Variants in DGKH observed in about 807,000 individuals in gnomAD.
The protein encoded by DGKH is DAG kinase eta.
A neutral mutation model predicts 159.3 loss-of-function variants in DGKH; 90 were observed. The observed-to-expected ratio is 0.57, with a 90% CI of 0.48 to 0.67. The LOEUF is 0.67. DGKH is among the 30% of genes least tolerant of loss of function. The probability of loss-of-function intolerance (pLI) is 0.00; values close to 1 mark genes in which losing one functional copy is unlikely to be tolerated. For synonymous variants in DGKH, 536 were observed against 553.8 expected (o/e 0.97, Z 0.45); for missense variants, 1,181 against 1,506.1 (o/e 0.78, Z 3.57).
chr13:42,053,941 C>T (rs1264772567), intron 1 of DGKH, among the ~76,000 whole-genome samples: 1 of 152,054 alleles, frequency 6.6e-6, no homozygotes, highest in Non-Finnish European at 1.5e-5. Flanking sequence ...TTTTTAAGCC[C>T]AGTAAGGATA....
chr13:42,132,290 T>C (rs920860240), intron 3 of DGKH, among the ~76,000 whole-genome samples: 1 of 152,246 alleles, frequency 6.6e-6, no homozygotes, highest in Admixed American at 6.5e-5. Context: ...ACATTCAATA[T>C]TTTCCTGTGG....
At chr13:42,100,607 T>C (rs1033488227) in intron 1 of DGKH, among the ~76,000 whole-genome samples, 3 of 152,216 alleles carry the variant, frequency 2.0e-5, no homozygotes, top group African/African-American at 7.2e-5. Context: ...ACAATTTTTT[T>C]TATTAATTGA....
At chr13:42,211,138 A>T (rs1047931575) in intron 24 of DGKH, among the ~76,000 whole-genome samples, 1 of 152,192 alleles carries the variant, frequency 6.6e-6, no homozygotes, top group Admixed American at 6.5e-5. Context: ...AGACAAAAAG[A>T]AAAGAGATAA....
chr13:42,229,338 T>C lies in DGKH; in HGVS notation c.*150T>C, dbSNP rs1958230956. The C allele has an allele frequency of 4.6e-6, 3 of 654,374 alleles. No individual in the cohort carries two copies. Among genetic ancestry groups the C allele is most frequent in the Admixed American group, 3.5e-5 (1 of 28,292 alleles). 40.5% of individuals were successfully genotyped at this position (654,374 alleles called of 1,614,324 possible). On this transcript the variant is annotated 3_prime_UTR_variant, in exon 30 of 30. Coordinates refer to ENST00000337343, the MANE Select transcript of DGKH (RefSeq NM_178009.5). ...TTGATATTTTGCTGTGGGTGAAATTTTGATTTGAGGTATTAGAAAATATTT... is the reference window on the plus strand; with the variant it reads ...TTGATATTTTGCTGTGGGTGAAATTCTGATTTGAGGTATTAGAAAATATTT...
At chr13:42,079,068 C>T (rs1394508468) in intron 1 of DGKH, among the ~76,000 whole-genome samples, 2 of 151,652 alleles carry the variant, frequency 1.3e-5, no homozygotes, top group South Asian at 2.1e-4. Flanking sequence ...CCCACCATCA[C>T]ACCCAGCTAA....
Position 42,166,680 on chromosome 13 carries a change from T to C in DGKH, c.1118+6T>C. The C allele has an allele frequency of 6.4e-7, 1 of 1,573,092 alleles. No individual in the cohort carries two copies. The highest frequency in any genetic ancestry group is 8.6e-7 in the Non-Finnish European group (1 of 1,162,490). ...AATGGAGGTCCTCATTTAGGGTAACTGATTATTGATAAATCTTATTTGAAT... is the reference window on the plus strand; with the variant it reads ...AATGGAGGTCCTCATTTAGGGTAACCGATTATTGATAAATCTTATTTGAAT... On this transcript the variant is annotated splice_donor_region_variant and intron_variant, in intron 9 of 29. Coordinates refer to ENST00000337343, the MANE Select transcript of DGKH (RefSeq NM_178009.5).
intron 1 of DGKH, among the ~76,000 whole-genome samples, chr13:42,085,759 A>G (rs1954289400): frequency 6.6e-6 from 1 of 152,228 alleles, no homozygotes; most frequent in Admixed American, 6.5e-5. Flanking sequence ...GTTTTTAAAA[A>G]AATTATTCAA....
intron 3 of DGKH, chr13:42,138,017 C>A: frequency 1.2e-6 from 1 of 868,742 alleles, no homozygotes; most frequent in Non-Finnish European, 1.4e-6. Flanking sequence ...TAGAACAGGC[C>A]CCTTGTGAGG....
intron 13 of DGKH, among the ~76,000 whole-genome samples, chr13:42,185,313 C>T (rs1366671820): frequency 2.0e-5 from 3 of 152,140 alleles, no homozygotes; most frequent in Non-Finnish European, 4.4e-5. Context: ...ACTTGTGTGG[C>T]GAGCACTCTC....
At chr13:42,140,309 G>C (rs1955511403) in intron 3 of DGKH, 1 of 152,482 alleles carries the variant, frequency 6.6e-6, no homozygotes, top group African/African-American at 2.4e-5. Context: ...CCATGTTGTA[G>C]CTCCCAGTGC....
At chr13:42,093,147 G>A (rs1157836535) in intron 1 of DGKH, among the ~76,000 whole-genome samples, 2 of 151,898 alleles carry the variant, frequency 1.3e-5, no homozygotes, top group African/African-American at 4.8e-5. Flanking sequence ...GGGAGGCTGA[G>A]GTGGGAGGAT....
intron 1 of DGKH, among the ~76,000 whole-genome samples, chr13:42,085,346 C>T (rs1459320424): frequency 6.6e-6 from 1 of 152,136 alleles, no homozygotes; most frequent in African/African-American, 2.4e-5. Flanking sequence ...AAATGGCCGT[C>T]CTGCCTGTGA....
intron 1 of DGKH, among the ~76,000 whole-genome samples, chr13:42,119,741 A>G (rs1594053470): frequency 6.6e-6 from 1 of 152,218 alleles, no homozygotes; most frequent in Non-Finnish European, 1.5e-5. Flanking sequence ...TGTGCATTTC[A>G]GTAGCTTTAA....
chr13:42,092,341 G>T (rs1416372801), intron 1 of DGKH, among the ~76,000 whole-genome samples: 1 of 152,120 alleles, frequency 6.6e-6, no homozygotes, highest in African/African-American at 2.4e-5. Context: ...ATCAACCGAA[G>T]TATTCATCAA....
downstream of DGKH, among the ~76,000 whole-genome samples, chr13:42,244,936 A>AAAAT (rs1566237202): frequency 1.7e-5 from 2 of 119,424 alleles, no homozygotes; most frequent in African/African-American, 3.2e-5. Flanking sequence ...AAAAAAAAAG[A>AAAAT]ACAACATACA....
upstream of DGKH, among the ~76,000 whole-genome samples, chr13:42,045,237 C>T (rs535171565): frequency 6.6e-6 from 1 of 152,266 alleles, no homozygotes; most frequent in Admixed American, 6.5e-5. Context: ...AGCCTTTGAG[C>T]CCAGAGTTTA....
In DGKH at chr13:42,121,359, T is replaced by G. The variant is rs567643606; in HGVS notation, c.193-6104T>G. ...GTGTTCTGAGCACGTTTAAGGTAGA[T>G]TAGGCTAAGCTGTGATGTTCAGTAG... On this transcript the variant is annotated intron_variant, in intron 1 of 29. Transcript: ENST00000337343. Among the ~76,000 whole-genome samples, 15 of 152,336 alleles carry G rather than the reference T, an allele frequency of 9.8e-5. No individual in the cohort carries two copies. The South Asian group carries it at 3.1e-3, about 32-fold the overall frequency.
chr13:42,086,267 C>T (rs1954299076), intron 1 of DGKH, among the ~76,000 whole-genome samples: 3 of 152,134 alleles, frequency 2.0e-5, no homozygotes, highest in Non-Finnish European at 4.4e-5. Flanking sequence ...TTTCACTCAT[C>T]TTTGTGTCAA....
intron 30 of DGKH, among the ~76,000 whole-genome samples, chr13:42,254,631 GA>G (rs200462395): frequency 0.067 from 7,413 of 111,388 alleles, 288 homozygotes; most frequent in Admixed American, 0.18. Flanking sequence ...AGCTCCGTCA[GA>G]AAAAAAAAAA....
Sources: gnomAD v4.1 joint callset for allele counts (sites outside exome capture counted in the v4.1 genomes callset) on GRCh38, gnomAD v4.1.1 for gene constraint, MANE v1.5 for transcripts, NCBI Gene and HGNC (gene_info 2026-07-23, HGNC 2026-07-21) for gene names.